The following TMEM223 variants were observed in gnomAD, a reference collection of about 807,000 sequenced individuals.
The protein encoded by TMEM223 is transmembrane protein 223.
Under a neutral mutation model 14.1 loss-of-function variants are expected in TMEM223, and 14 were observed. That is an observed-to-expected ratio of 0.99 (90% CI 0.66 to 1.55). TMEM223 has a LOEUF of 1.55. Among genes scored for constraint, TMEM223 ranks in the 40% most tolerant of loss-of-function variants. The probability of loss-of-function intolerance (pLI) is 0.00; values close to 1 mark genes in which losing one functional copy is unlikely to be tolerated. For missense variants in TMEM223, 346 were observed against 269.9 expected (o/e 1.28, Z -1.97); for synonymous variants, 145 against 120.5 (o/e 1.20, Z -1.33).
chr11:62,778,277 G>T, intron 1 of TMEM223: 2 of 1,614,200 alleles, frequency 1.2e-6, no homozygotes, highest in Non-Finnish European at 1.7e-6. Context: ...TCTCTGCACT[G>T]CTTCTAGTTC....
chr11:62,789,538 G>A, downstream of TMEM223: 1 of 1,571,860 alleles, frequency 6.4e-7, no homozygotes, highest in South Asian at 1.2e-5. Flanking sequence ...AGGGCACTGG[G>A]CACAGGTGTG....
At chr11:62,787,985 G>C (rs2084308559), downstream of TMEM223, 1 of 465,854 alleles carries the variant, frequency 2.1e-6, no homozygotes, top group African/African-American at 2.0e-5. Context: ...AGAAAACGCT[G>C]ACGTAAAGGT....
rs745578842 is a variant in TMEM223 at position 62,791,900 on chromosome 11, C to T, written c.95G>A (p.Arg32Gln). The T allele has an allele frequency of 1.3e-5, 21 of 1,600,500 alleles. 1 individual carries two copies. In the Admixed American group the frequency reaches 1.9e-4, roughly 14 times the overall value. Residue 32 changes from arginine (R) to glutamine (Q), a missense_variant, in exon 1 of 2, where the codon CGG becomes CAG. Physicochemically the swap from Arg to Gln is conservative, Grantham distance 43 (BLOSUM62 1). Coordinates refer to ENST00000307366, the MANE Select transcript of TMEM223 (RefSeq NM_001080501.3). ...ATCATGCTCAAAGAGCAGCACATCC[C>T]GTTGCAGCGTCGTGCCTTGCAGGGG... The part of the protein sequence containing the change: ...CRPLQGTTLQ[R>Q]DVLLFEHDRG...
chr11:62,779,968 A>ATTT (rs1341684851), intron 1 of TMEM223, among the ~76,000 whole-genome samples: 2 of 66,636 alleles, frequency 3.0e-5, no homozygotes, highest in African/African-American at 8.9e-5. Flanking sequence ...ATATATATAT[A>ATTT]TATATATATT....
chr11:62,778,077 C>T (rs747994752), intron 1 of TMEM223: 5 of 1,614,178 alleles, frequency 3.1e-6, no homozygotes, highest in South Asian at 1.1e-5. Context: ...CCTGGTGGAG[C>T]TGGCCCTGGC....
At chr11:62,782,410 C>T (rs1010276074) in intron 1 of TMEM223, 60 of 1,486,744 alleles carry the variant, frequency 4.0e-5, no homozygotes, top group Non-Finnish European at 5.2e-5. Flanking sequence ...GGGGCGAAGC[C>T]TCTGGCTTTG....
At chr11:62,785,881 GGTT>G (rs1316131138), downstream of TMEM223, 1 of 160,962 alleles carries the variant, frequency 6.2e-6, no homozygotes, top group Non-Finnish European at 1.4e-5. Flanking sequence ...GTCTCTGGTT[GGTT>G]GTTTTTATGC....
chr11:62,777,209 C>A (rs563647739), intron 1 of TMEM223, among the ~76,000 whole-genome samples: 18 of 151,938 alleles, frequency 1.2e-4, no homozygotes, highest in African/African-American at 4.1e-4. Context: ...CACCTGTAAT[C>A]CCAACTACCT....
intron 1 of TMEM223, among the ~76,000 whole-genome samples, chr11:62,780,731 A>G (rs1162889679): frequency 6.6e-6 from 1 of 151,052 alleles, no homozygotes; most frequent in Non-Finnish European, 1.5e-5. Flanking sequence ...GGAGTTCGAG[A>G]CCAGCCTGGC....
chr11:62,787,638 G>A (rs572874869), downstream of TMEM223: 1 of 1,336,656 alleles, frequency 7.5e-7, no homozygotes, highest in South Asian at 1.5e-5. Flanking sequence ...CGGTGGACCT[G>A]GTGAGGCACG....
At chr11:62,783,043 ATAAATT>A (rs1188733976), downstream of TMEM223, among the ~76,000 whole-genome samples, 6 of 152,236 alleles carry the variant, frequency 3.9e-5, no homozygotes, top group South Asian at 1.2e-3. Flanking sequence ...CCCACATTTT[ATAAATT>A]CCTGCCCGTT....
downstream of TMEM223, chr11:62,786,765 C>T (rs768309072): frequency 1.9e-6 from 3 of 1,612,806 alleles, no homozygotes; most frequent in East Asian, 2.2e-5. Context: ...AGCTCTACGC[C>T]TTCTTCGGTG....
At chr11:62,786,889 C>A, downstream of TMEM223, 1 of 1,560,044 alleles carries the variant, frequency 6.4e-7, no homozygotes, top group Non-Finnish European at 8.6e-7. Flanking sequence ...GATGCCGCAG[C>A]TGACGGCAAG....
downstream of TMEM223, among the ~76,000 whole-genome samples, chr11:62,783,272 G>T (rs2084243885): frequency 6.6e-6 from 1 of 152,150 alleles, no homozygotes; most frequent in Non-Finnish European, 1.5e-5. Flanking sequence ...CACAAGGTCA[G>T]GAGATCGAAA....
chr11:62,789,399 C>T, downstream of TMEM223: 1 of 1,613,954 alleles, frequency 6.2e-7, no homozygotes, highest in Non-Finnish European at 8.5e-7. Context: ...CTCTGCAACT[C>T]CATCATCTCC....
downstream of TMEM223, chr11:62,787,390 C>G: frequency 6.4e-7 from 1 of 1,552,740 alleles, no homozygotes; most frequent in African/African-American, 1.4e-5. Context: ...GGGCTTTGGG[C>G]GGGGTGCTGC....
downstream of TMEM223, chr11:62,788,053 G>T: frequency 2.2e-6 from 1 of 453,706 alleles, no homozygotes; most frequent in Non-Finnish European, 4.4e-6. Flanking sequence ...ATAAACATGG[G>T]TTCATTTAAT....
chr11:62,790,432 T>TG lies in TMEM223; in HGVS notation c.*190_*191insC, dbSNP rs1317444376. ...TTGTTACTCCATTCTAAGATTGGCGTTTTTTTTTGTTTTTTTTTTTGTAAA... is the reference window on the plus strand; with the variant it reads ...TTGTTACTCCATTCTAAGATTGGCGTGTTTTTTTTGTTTTTTTTTTTGTAAA... On this transcript the variant is annotated 3_prime_UTR_variant, in exon 2 of 2. Coordinates refer to ENST00000307366, the MANE Select transcript of TMEM223 (RefSeq NM_001080501.3). 1.2e-5 allele frequency: 7 copies of TG among 566,114 alleles called. No homozygotes were observed. Among genetic ancestry groups the TG allele is most frequent in the East Asian group, 9.6e-5 (3 of 31,336 alleles). 35.1% of individuals were successfully genotyped at this position (566,114 alleles called of 1,614,324 possible). A position where few individuals can be genotyped will look rare whatever the true frequency, so the allele number is the denominator to read the frequency against.
At chr11:62,775,961 A>G (rs746056463) in intron 1 of TMEM223, 10 of 1,574,208 alleles carry the variant, frequency 6.4e-6, no homozygotes, top group South Asian at 1.2e-5. Context: ...GATACCTCCA[A>G]CTTTCCTTGT....
Sources: gnomAD v4.1 joint callset for allele counts (sites outside exome capture counted in the v4.1 genomes callset) on GRCh38, gnomAD v4.1.1 for gene constraint, MANE v1.5 for transcripts, NCBI Gene and HGNC (gene_info 2026-07-23, HGNC 2026-07-21) for gene names.